The following PRKAR2A variants were observed in gnomAD, a reference collection of about 807,000 sequenced individuals.
PRKAR2A encodes protein kinase cAMP-dependent type II regulatory subunit alpha, also known as cAMP-dependent protein kinase type II-alpha regulatory subunit.
PRKAR2A carries 29 observed loss-of-function variants against 51.9 expected under a neutral mutation model. The observed-to-expected ratio is 0.56, with a 90% CI of 0.42 to 0.76. PRKAR2A has a LOEUF of 0.76. Among genes scored for constraint, PRKAR2A ranks in the 30% least tolerant of loss-of-function variants. The probability of loss-of-function intolerance (pLI) is 0.00; values close to 1 mark genes in which losing one functional copy is unlikely to be tolerated. For missense variants in PRKAR2A, 445 were observed against 512.1 expected (o/e 0.87, Z 1.26); for synonymous variants, 178 against 186.2 (o/e 0.96, Z 0.36).
chr3:48,845,059 T>G (rs1315969675), intron 1 of PRKAR2A, among the ~76,000 whole-genome samples: 1 of 152,118 alleles, frequency 6.6e-6, no homozygotes, highest in Non-Finnish European at 1.5e-5. Flanking sequence ...TAAATAAAAA[T>G]TGTCTCAAAG....
intron 2 of PRKAR2A, among the ~76,000 whole-genome samples, chr3:48,801,870 G>A (rs2107344907): frequency 6.6e-6 from 1 of 152,230 alleles, no homozygotes; most frequent in African/African-American, 2.4e-5. Flanking sequence ...CCAAGAAGCT[G>A]GGATACAGGC....
chr3:48,797,416 C>A (rs894644245), intron 2 of PRKAR2A, among the ~76,000 whole-genome samples: 3 of 152,050 alleles, frequency 2.0e-5, no homozygotes, highest in Non-Finnish European at 2.9e-5. Flanking sequence ...TGATCCACCA[C>A]GCCCAGCCCC....
chr3:48,847,785 G>GCAC lies in PRKAR2A; in HGVS notation c.-192_-190dup. The GCAC allele has an allele frequency of 1.9e-6, 1 of 521,976 alleles. No individual in the cohort carries two copies. The highest frequency in any genetic ancestry group is 3.0e-6 in the Non-Finnish European group (1 of 337,622). The allele number at this position is 521,976 out of a possible 1,614,324, so 32.3% of individuals were successfully genotyped here. ...ACCCTACGCTACCACGGCCGACCTGGCACCGCCGCCGCTGTCACTGGGCAG... is the reference window on the plus strand; with the variant it reads ...ACCCTACGCTACCACGGCCGACCTGGCACCACCGCCGCCGCTGTCACTGGGCAG... On this transcript the variant is annotated 5_prime_UTR_variant, in exon 1 of 11. Transcript: ENST00000265563. The surrounding 1 kb of genome is among the most constrained non-coding windows in gnomAD (Gnocchi z 4.4).
intron 1 of PRKAR2A, among the ~76,000 whole-genome samples, chr3:48,812,490 T>C (rs1240640718): frequency 6.6e-6 from 1 of 151,470 alleles, no homozygotes; most frequent in African/African-American, 2.4e-5. Flanking sequence ...GAAAAAGCTT[T>C]TTTTTTTTTT....
At chr3:48,810,352 A>T (rs2082752122) in intron 1 of PRKAR2A, among the ~76,000 whole-genome samples, 1 of 152,106 alleles carries the variant, frequency 6.6e-6, no homozygotes, top group Admixed American at 6.6e-5. Context: ...AAATCTGAAG[A>T]TACTCAAAAA....
At chr3:48,772,840 C>T in intron 6 of PRKAR2A, 115 bp downstream of exon 6, 3 of 1,116,398 alleles carry the variant, frequency 2.7e-6, no homozygotes, top group South Asian at 4.8e-5. Context: ...GATGGGGTTT[C>T]ACCGTGTTAG....
chr3:48,807,414 A>G (rs932118742), intron 2 of PRKAR2A, among the ~76,000 whole-genome samples: 1 of 152,210 alleles, frequency 6.6e-6, no homozygotes, highest in Non-Finnish European at 1.5e-5. Flanking sequence ...ATAAACATGA[A>G]AAAACAGTAA....
At chr3:48,780,950 A>G (rs1206679757) in intron 5 of PRKAR2A, among the ~76,000 whole-genome samples, 1 of 152,070 alleles carries the variant, frequency 6.6e-6, no homozygotes, top group Non-Finnish European at 1.5e-5. Context: ...GGGGCATTAT[A>G]TGTGCAACTT....
At chr3:48,745,160 C>T (rs1343397376), downstream of PRKAR2A, among the ~76,000 whole-genome samples, 3 of 150,906 alleles carry the variant, frequency 2.0e-5, no homozygotes, top group Admixed American at 6.6e-5. Context: ...TAGGCATGAG[C>T]AACCGCACCC....
chr3:48,792,460 T>TTC (rs2082406269), intron 3 of PRKAR2A, among the ~76,000 whole-genome samples: 1 of 118,422 alleles, frequency 8.4e-6, no homozygotes, highest in Non-Finnish European at 1.8e-5. Flanking sequence ...TTAATCTTTT[T>TTC]TTTTTTTTTT....
intron 2 of PRKAR2A, among the ~76,000 whole-genome samples, chr3:48,796,630 G>A (rs2082495531): frequency 6.6e-6 from 1 of 150,636 alleles, no homozygotes; most frequent in Non-Finnish European, 1.5e-5. Context: ...AGGTAGCTGG[G>A]ATTACAAGTG....
chr3:48,789,255 T>C (rs2082343474), intron 4 of PRKAR2A, among the ~76,000 whole-genome samples: 2 of 151,802 alleles, frequency 1.3e-5, no homozygotes, highest in South Asian at 4.2e-4. Context: ...CCATGGGGAG[T>C]ATGTTCCAAG....
At chr3:48,756,297 T>C (rs1006074706) in intron 9 of PRKAR2A, 82 bp downstream of exon 9, 10 of 1,204,202 alleles carry the variant, frequency 8.3e-6, no homozygotes, top group Non-Finnish European at 1.2e-5. Context: ...GATGGTTTGG[T>C]GTATTCAACA....
In PRKAR2A at chr3:48,829,821, A is replaced by G. The variant is rs937554243; in HGVS notation, c.262+17514T>C. 2.7e-4 allele frequency among the ~76,000 whole-genome samples: 35 copies of G among 130,152 alleles called. No homozygotes were observed. The Admixed American group carries it at 2.9e-3, about 11-fold the overall frequency. The allele number at this position is 130,152 out of a possible 152,430, so 85.4% of individuals were successfully genotyped here. On this transcript the variant is annotated intron_variant, in intron 1 of 10. Coordinates refer to ENST00000265563, the MANE Select transcript of PRKAR2A (RefSeq NM_004157.4). ...CGTATATATACATATATATGTATGT[A>G]TATACATACATATATATGCGTGTGT...
At chr3:48,751,836 C>CTT in intron 10 of PRKAR2A, 118 bp from the exon 11 acceptor site, 1 of 1,226,446 alleles carries the variant, frequency 8.2e-7, no homozygotes, top group Non-Finnish European at 1.1e-6. Context: ...ACACCAGCCA[C>CTT]TTGCAAAAAG....
chr3:48,797,686 GA>G (rs369079522), intron 2 of PRKAR2A, among the ~76,000 whole-genome samples: 44 of 152,226 alleles, frequency 2.9e-4, no homozygotes, highest in African/African-American at 9.9e-4. Flanking sequence ...ACACATAAGA[GA>G]AAAATTAGGG....
At chr3:48,782,197 A>T (rs558073013) in intron 5 of PRKAR2A, among the ~76,000 whole-genome samples, 1 of 152,278 alleles carries the variant, frequency 6.6e-6, no homozygotes, top group East Asian at 1.9e-4. Flanking sequence ...TCAAGAGGTT[A>T]GGACACAGTA....
At chr3:48,805,919 G>A (rs1252784766) in intron 2 of PRKAR2A, among the ~76,000 whole-genome samples, 1 of 152,092 alleles carries the variant, frequency 6.6e-6, no homozygotes, top group Non-Finnish European at 1.5e-5. Context: ...AATGGCAGAG[G>A]GCCAAACAAA....
At chr3:48,813,422 A>G (rs2107378473) in intron 1 of PRKAR2A, among the ~76,000 whole-genome samples, 1 of 152,090 alleles carries the variant, frequency 6.6e-6, no homozygotes, top group Non-Finnish European at 1.5e-5. Context: ...AAGGCTGGAC[A>G]TGGTGGCTCA....
Sources: allele counts gnomAD v4.1 joint callset (sites outside exome capture counted in the v4.1 genomes callset), GRCh38; gene constraint gnomAD v4.1.1; non-coding constraint Gnocchi (gnomAD v3.1); transcripts MANE v1.5; gene names NCBI Gene and HGNC (gene_info 2026-07-23, HGNC 2026-07-21).